The following PRKG1 variants were observed in gnomAD, a reference collection of about 807,000 sequenced individuals.
PRKG1 encodes the protein protein kinase cGMP-dependent 1.
Under a neutral mutation model 88.1 loss-of-function variants are expected in PRKG1, and 35 were observed. The ratio of observed to expected loss-of-function variants is 0.40; its 90% confidence interval spans 0.30 to 0.53. The LOEUF (loss-of-function observed/expected upper bound fraction) is 0.53, where lower values mean the gene tolerates loss of function less well. Ranked by LOEUF, PRKG1 falls within the 20% of genes least tolerant of loss-of-function variation. The pLI is 0.59. For missense variants in PRKG1, 540 were observed against 839.8 expected (o/e 0.64, Z 4.41); for synonymous variants, 303 against 292.5 (o/e 1.04, Z -0.37).
At chr10:51,495,161 C>T (rs941540216) in intron 3 of PRKG1, among the ~76,000 whole-genome samples, 5 of 152,212 alleles carry the variant, frequency 3.3e-5, no homozygotes, top group South Asian at 2.1e-4. Flanking sequence ...GTGGCACGAT[C>T]TTGGCTCACT....
intron 2 of PRKG1, among the ~76,000 whole-genome samples, chr10:51,402,593 A>G (rs1257320749): frequency 1.3e-5 from 2 of 152,206 alleles, no homozygotes; most frequent in Non-Finnish European, 2.9e-5. Context: ...GACTGTATTA[A>G]TGATCAGAGA....
intron 3 of PRKG1, chr10:51,699,571 C>G (rs774925791): frequency 1.4e-5 from 22 of 1,588,492 alleles, no homozygotes; most frequent in Non-Finnish European, 1.8e-5. Flanking sequence ...TGCAGACAGC[C>G]GATAGCGGAT....
chr10:52,039,782 T>C (rs887519104), intron 5 of PRKG1, among the ~76,000 whole-genome samples: 3 of 152,206 alleles, frequency 2.0e-5, no homozygotes, highest in Non-Finnish European at 4.4e-5. Flanking sequence ...CTCTGGAAAA[T>C]ACACTAATTT....
intron 3 of PRKG1, among the ~76,000 whole-genome samples, chr10:51,682,636 T>C (rs1840880154): frequency 6.6e-6 from 1 of 152,194 alleles, no homozygotes; most frequent in Non-Finnish European, 1.5e-5. Context: ...AAGAACTTAT[T>C]ATATGTAAGC....
intron 1 of PRKG1, among the ~76,000 whole-genome samples, chr10:50,998,930 T>C (rs1428689358): frequency 1.3e-5 from 2 of 152,212 alleles, no homozygotes; most frequent in Non-Finnish European, 2.9e-5. Flanking sequence ...GAGTTCGTTT[T>C]AAAAATGCTT....
At chr10:51,516,925 T>C (rs889870272) in intron 3 of PRKG1, among the ~76,000 whole-genome samples, 2 of 152,166 alleles carry the variant, frequency 1.3e-5, no homozygotes, top group Middle Eastern at 3.4e-3. Flanking sequence ...AAAAGAACCA[T>C]AGGAAGAACT....
chr10:51,467,799 T>A lies in PRKG1; in HGVS notation c.555T>A (p.Ala185=), dbSNP rs572871611. The stretch of plus-strand genomic sequence containing the variant: ...CAGGAAAAGTGTTTGGGGAATTGGC[T>A]ATTCTTTACAACTGTACCCGGACAG... ...MGPGKVFGEL[A]ILYNCTRTAT... Residue 185 remains alanine, a synonymous_variant, in exon 3 of 18, where the codon GCT becomes GCA. Transcript: ENST00000373980. 2 of 1,613,092 alleles carry A rather than the reference T, an allele frequency of 1.2e-6. No homozygotes were observed. The highest frequency in any genetic ancestry group is 3.3e-5 in the Admixed American group (2 of 59,994).
At chr10:51,623,212 A>C (rs749242214) in intron 3 of PRKG1, among the ~76,000 whole-genome samples, 1 of 152,090 alleles carries the variant, frequency 6.6e-6, no homozygotes, top group Non-Finnish European at 1.5e-5. Context: ...TCTATTTTTC[A>C]TTTTTTGAGA....
chr10:52,002,553 C>T (rs1844626366), intron 5 of PRKG1, among the ~76,000 whole-genome samples: 1 of 151,998 alleles, frequency 6.6e-6, no homozygotes, highest in African/African-American at 2.4e-5. Context: ...AATAATGTGC[C>T]ATTGTGTAGG....
intron 9 of PRKG1, among the ~76,000 whole-genome samples, chr10:52,198,399 C>T (rs138172443): frequency 2.5e-3 from 383 of 152,106 alleles, no homozygotes; most frequent in Non-Finnish European, 3.6e-3. Flanking sequence ...CAATGGCATA[C>T]GCAGTGTAAT....
intron 3 of PRKG1, among the ~76,000 whole-genome samples, chr10:51,561,182 G>A (rs754356089): frequency 2.0e-5 from 3 of 151,900 alleles, no homozygotes; most frequent in African/African-American, 4.8e-5. Context: ...TGGGACTATA[G>A]ACTATATGCC....
chr10:51,515,915 G>A (rs187608137), intron 3 of PRKG1, among the ~76,000 whole-genome samples: 3 of 152,206 alleles, frequency 2.0e-5, no homozygotes, highest in East Asian at 3.9e-4. Context: ...GGCCCCGGAG[G>A]GTGTGTTAAA....
rs1842000565 is a variant in PRKG1 at position 51,721,084 on chromosome 10, G to A, written c.593-83501G>A. 2.0e-5 allele frequency among the ~76,000 whole-genome samples: 3 copies of A among 151,868 alleles called. No individual in the cohort carries two copies. The South Asian group carries it at 6.2e-4, about 32-fold the overall frequency. On this transcript the variant is annotated intron_variant, in intron 3 of 17. Transcript: ENST00000373980. Reference sequence around the variant, plus strand: ...ACCAATTAGCTGGGCATGGTGATGTGTGCCTGTAGTCCCGGCTAACTACAA... The same window carrying A: ...ACCAATTAGCTGGGCATGGTGATGTATGCCTGTAGTCCCGGCTAACTACAA...
At chr10:51,834,739 GAAA>G (rs1279573412) in intron 4 of PRKG1, among the ~76,000 whole-genome samples, 3 of 149,716 alleles carry the variant, frequency 2.0e-5, no homozygotes, top group Admixed American at 1.3e-4. Flanking sequence ...GAAAAGAAAA[GAAA>G]AAAGAAAAGA....
chr10:51,221,641 CT>C (rs938525807), intron 2 of PRKG1, among the ~76,000 whole-genome samples: 9 of 145,508 alleles, frequency 6.2e-5, no homozygotes, highest in African/African-American at 2.3e-4. Flanking sequence ...GATTGGCAAA[CT>C]TTTTTTTTCC....
intron 4 of PRKG1, among the ~76,000 whole-genome samples, chr10:51,824,896 G>A (rs1478088796): frequency 6.6e-6 from 1 of 152,026 alleles, no homozygotes; most frequent in Non-Finnish European, 1.5e-5. Context: ...CCACTAATGA[G>A]GATCACATTT....
Position 51,115,998 on chromosome 10 carries a change from G to A in PRKG1, c.312-37166G>A, listed in dbSNP as rs542532241. ...GACCGAGTACATGTATAGGCTGGGC[G>A]AAGGAGAGAGCTTCACTGTAGGGAG... On this transcript the variant is annotated intron_variant, in intron 1 of 17. Transcript: ENST00000373980. Among the ~76,000 whole-genome samples the A allele has an allele frequency of 3.0e-4, 45 of 152,266 alleles. No individual in the cohort carries two copies. In the East Asian group the frequency reaches 7.1e-3, roughly 24 times the overall value.
chr10:51,397,481 C>T (rs1837611258), intron 2 of PRKG1, among the ~76,000 whole-genome samples: 1 of 152,118 alleles, frequency 6.6e-6, no homozygotes, highest in African/African-American at 2.4e-5. Flanking sequence ...AACAAGAAAA[C>T]CTCTTACCTA....
chr10:51,844,807 A>G (rs1840360485), intron 4 of PRKG1, among the ~76,000 whole-genome samples: 1 of 152,198 alleles, frequency 6.6e-6, no homozygotes, highest in Non-Finnish European at 1.5e-5. Flanking sequence ...GTGATGTTGT[A>G]TCAAAGACAA....
Sources: allele counts gnomAD v4.1 joint callset (sites outside exome capture counted in the v4.1 genomes callset), GRCh38; gene constraint gnomAD v4.1.1; transcripts MANE v1.5; gene names NCBI Gene and HGNC (gene_info 2026-07-23, HGNC 2026-07-21).